ZNF728: variants seen among roughly 807,000 people sequenced by gnomAD.
The protein encoded by ZNF728 is zinc finger protein 728.
In ZNF728, 12 loss-of-function variants were observed where a neutral mutation model predicts 12.5. The ratio of observed to expected loss-of-function variants is 0.96; its 90% CI spans 0.61 to 1.55. The LOEUF (loss-of-function observed/expected upper bound fraction) is 1.55, where lower values mean the gene tolerates loss of function less well. Among genes scored for constraint, ZNF728 ranks in the 40% most tolerant of loss-of-function variants. The pLI, the probability that ZNF728 is intolerant of heterozygous loss-of-function variation, is 0.00. For synonymous variants in ZNF728, 205 were observed against 240.7 expected, an observed-to-expected ratio of 0.85 and a Z score of 1.37; for missense variants, 692 against 719.2, an observed-to-expected ratio of 0.96 and a Z score of 0.43.
intron 1 of ZNF728, among the ~76,000 whole-genome samples, chr19:22,996,891 T>C (rs1290978747): frequency 6.6e-6 from 1 of 152,218 alleles, no homozygotes; most frequent in African/African-American, 2.4e-5. Context: ...GACAAGTTCT[T>C]GAACTCTTGG....
chr19:23,000,603 C>T (rs1205621768), intron 1 of ZNF728, among the ~76,000 whole-genome samples: 1 of 152,068 alleles, frequency 6.6e-6, no homozygotes, highest in African/African-American at 2.4e-5. Context: ...GTGGCTCACA[C>T]CTGCAATCCC....
At position 23,001,852 on chromosome 19, in the gene ZNF728, T is replaced by G. The variant is rs113304151; in HGVS notation, c.3+1176A>C. ...AGGAAGTGAAAATCAAGTATTTTACTGCAAGCCAGAGTCAGGCCGGAGAAA... is the reference window on the plus strand; with the variant it reads ...AGGAAGTGAAAATCAAGTATTTTACGGCAAGCCAGAGTCAGGCCGGAGAAA... On this transcript the variant is annotated intron_variant, in intron 1 of 3. Coordinates refer to ENST00000594710, the MANE Select transcript of ZNF728 (RefSeq NM_001267716.2). Among the ~76,000 whole-genome samples, 983 of 152,272 alleles carry G rather than the reference T, an allele frequency of 6.5e-3. 11 individuals are homozygous for G. The highest frequency in any genetic ancestry group is 0.022 in the African/African-American group (926 of 41,574).
chr19:22,996,535 T>C (rs1969051722), intron 1 of ZNF728, among the ~76,000 whole-genome samples: 1 of 152,210 alleles, frequency 6.6e-6, no homozygotes, highest in African/African-American at 2.4e-5. Context: ...ATTCCGATCT[T>C]TGTGCTCAAC....
rs753110110 is a variant in ZNF728 at position 22,988,458 on chromosome 19, AAC to A, written c.4-9_4-8del. On this transcript the variant is annotated splice_region_variant and splice_polypyrimidine_tract_variant and intron_variant, in intron 1 of 3. Transcript: ENST00000594710. ...CCCGAAATGTCAACGATCCCTGGAA[AAC>A]ACACACAAACACACATATTTACCAA... The A allele has an allele frequency of 6.2e-7, 1 of 1,613,220 alleles. No individual in the cohort carries two copies. Among genetic ancestry groups the A allele is most frequent in the Non-Finnish European group, 8.5e-7 (1 of 1,179,730 alleles).
At chr19:22,986,528 C>G (rs546793152) in intron 3 of ZNF728, among the ~76,000 whole-genome samples, 1 of 151,696 alleles carries the variant, frequency 6.6e-6, no homozygotes, top group African/African-American at 2.4e-5. Flanking sequence ...AATAAATATC[C>G]GAGAACAAAT....
chr19:22,989,904 A>G (rs547475880), intron 1 of ZNF728, among the ~76,000 whole-genome samples: 1 of 152,268 alleles, frequency 6.6e-6, no homozygotes, highest in South Asian at 2.1e-4. Flanking sequence ...TCAACATTAC[A>G]TGTTCTCTGC....
In ZNF728 at chr19:22,988,419, T is replaced by G. The variant is rs529853578; in HGVS notation, c.36A>C (p.Gln12His). 6.2e-7 allele frequency: 1 copy of G among 1,613,984 alleles called. No homozygotes were observed. The highest frequency in any genetic ancestry group is 1.7e-5 in the Admixed American group (1 of 59,996). ...GSLTFRDVAI[Q>H]FSLEEWQCLD... ...GGCATTGCCACTCCTCCAGAGAGAATTGTATGGCCACATCCCGAAATGTCA... is the reference window on the plus strand; with the variant it reads ...GGCATTGCCACTCCTCCAGAGAGAAGTGTATGGCCACATCCCGAAATGTCA... Residue 12 changes from glutamine (Q) to histidine (H), a missense_variant, in exon 2 of 4, where the codon CAA (glutamine) becomes CAC (histidine). Transcript: ENST00000594710.
intron 1 of ZNF728, among the ~76,000 whole-genome samples, chr19:22,993,507 A>T (rs1969013484): frequency 6.6e-6 from 1 of 152,220 alleles, no homozygotes; most frequent in African/African-American, 2.4e-5. Flanking sequence ...CAGACAGTTT[A>T]TTTGGGTCAA....
intron 1 of ZNF728, among the ~76,000 whole-genome samples, chr19:22,997,159 T>C (rs1289995185): frequency 2.0e-5 from 3 of 152,154 alleles, no homozygotes; most frequent in African/African-American, 7.2e-5. Context: ...ATAGTCCTAA[T>C]ACACATCTAC....
intron 3 of ZNF728, among the ~76,000 whole-genome samples, chr19:22,982,173 A>T (rs2078614830): frequency 6.6e-6 from 1 of 152,252 alleles, no homozygotes; most frequent in African/African-American, 2.4e-5. Context: ...ACTTCAGCAA[A>T]GTCTCAGGAC....
At chr19:22,993,965 G>A (rs1047200142) in intron 1 of ZNF728, among the ~76,000 whole-genome samples, 8 of 152,032 alleles carry the variant, frequency 5.3e-5, no homozygotes, top group African/African-American at 1.9e-4. Context: ...GTCCTGCATG[G>A]GTAAAATAGC....
At position 22,975,387 on chromosome 19, in the gene ZNF728, C is replaced by G. The variant is rs1419780964; in HGVS notation, c.*81G>C. 1 of 1,376,422 alleles carries G rather than the reference C, an allele frequency of 7.3e-7. No homozygotes were observed. Among genetic ancestry groups the G allele is most frequent in the Non-Finnish European group, 9.9e-7 (1 of 1,013,284 alleles). The allele number at this position is 1,376,422 out of a possible 1,614,324, so 85.3% of individuals were successfully genotyped here. A position where few individuals can be genotyped will look rare whatever the true frequency, so the allele number is the denominator to read the frequency against. ...GTTAAAAAATTTGCCACATTCTTCA[C>G]ATTTGTAGGGTTTCCCTCCTGTATA... is the stretch of plus-strand genomic sequence containing the variant. On this transcript the variant is annotated 3_prime_UTR_variant, in exon 4 of 4. Coordinates refer to ENST00000594710, the MANE Select transcript of ZNF728 (RefSeq NM_001267716.2).
At position 22,976,130 on chromosome 19, in the gene ZNF728, T is replaced by C; in HGVS notation, c.1207A>G (p.Lys403Glu). Residue 403 changes from lysine to glutamate, a missense_variant, in exon 4 of 4, where the codon AAA (lysine) becomes GAA (glutamate). Physicochemically the swap from Lys to Glu is moderately conservative, Grantham distance 56. Coordinates refer to ENST00000594710, the MANE Select transcript of ZNF728 (RefSeq NM_001267716.2). ...AGTGTTGAGGACCACTTAAAGGTTT[T>C]GCCACATTCTTCACATTTGTAAGGT... is the stretch of plus-strand genomic sequence containing the variant. ...DKPYKCEECGKTFKWSSTLTK... is the reference protein window; with the variant it reads ...DKPYKCEECGETFKWSSTLTK... 1 of 1,613,268 alleles carries C rather than the reference T, an allele frequency of 6.2e-7. No homozygotes were observed. Among genetic ancestry groups the C allele is most frequent in the Admixed American group, 1.7e-5 (1 of 59,942 alleles).
Position 22,976,826 on chromosome 19 carries a change from T to G in ZNF728, c.511A>C (p.Lys171Gln), listed in dbSNP as rs561251350. The change falls in exon 4 of 4, where the codon AAA becomes CAA. Residue 171 changes from lysine (K) to glutamine (Q), a missense_variant. Around this residue, in one of 3 missense-constraint regions of ZNF728, gnomAD observed 440 missense variants for 459.6 expected, o/e 0.96. Transcript: ENST00000594710. ...ACATATTCTTTACATTTCAAAAGTT[T>G]CTTTCCAGTATGCCTTATCTTATGT... ...KRHKIRHTGK[K>Q]LLKCKEYVRS... 9 of 1,613,484 alleles carry G rather than the reference T, an allele frequency of 5.6e-6. No individual in the cohort carries two copies. In the Admixed American group the frequency reaches 1.5e-4, roughly 27 times the overall value.
intron 3 of ZNF728, among the ~76,000 whole-genome samples, chr19:22,979,622 G>T (rs8104964): frequency 8.0e-6 from 1 of 125,058 alleles, no homozygotes; most frequent in African/African-American, 5.0e-5. Context: ...GAGAAAGGTC[G>T]AGATACCCAA....
At chr19:23,000,890 A>AACC (rs1568279352) in intron 1 of ZNF728, among the ~76,000 whole-genome samples, 1,672 of 81,092 alleles carry the variant, frequency 0.021, 33 homozygotes, top group African/African-American at 0.14. Flanking sequence ...AAAAAACCAA[A>AACC]AAAAAAAAAA....
At chr19:22,983,175 C>T (rs1202534676) in intron 3 of ZNF728, among the ~76,000 whole-genome samples, 1 of 150,418 alleles carries the variant, frequency 6.6e-6, no homozygotes. Flanking sequence ...AAAAAAAAAA[C>T]ACCCCATCAA....
intron 1 of ZNF728, 21 bp downstream of exon 1, chr19:23,003,007 T>G (rs1382127859): frequency 6.3e-7 from 1 of 1,586,380 alleles, no homozygotes. Context: ...TCTCTCGGGA[T>G]GTCGGACCCG....
At chr19:23,001,186 A>G (rs1359983903) in intron 1 of ZNF728, among the ~76,000 whole-genome samples, 1 of 151,932 alleles carries the variant, frequency 6.6e-6, no homozygotes, top group Non-Finnish European at 1.5e-5. Context: ...TTATTTCACT[A>G]TTTTTCTGTC....
Sources: gnomAD v4.1 joint callset for allele counts (sites outside exome capture counted in the v4.1 genomes callset) on GRCh38, gnomAD v4.1.1 for gene constraint, gnomAD v4.1.1 regional missense constraint, MANE v1.5 for transcripts, NCBI Gene and HGNC (gene_info 2026-07-23, HGNC 2026-07-21) for gene names.